The following RASSF8 variants were observed in gnomAD, a reference collection of about 807,000 sequenced individuals.
The protein encoded by RASSF8 is Ras association domain family member 8, also known as ras association domain-containing protein 8.
Under a neutral mutation model 48.5 loss-of-function variants are expected in RASSF8, and 22 were observed. The ratio of observed to expected loss-of-function variants is 0.45; its 90% CI spans 0.32 to 0.65. The LOEUF is 0.65. Among genes scored for constraint, RASSF8 ranks in the 30% least tolerant of loss-of-function variants. RASSF8 has a pLI of 0.03. For synonymous variants in RASSF8, 127 were observed against 171.5 expected, an observed-to-expected ratio of 0.74 and a Z score of 2.03; for missense variants, 418 against 489.2, an observed-to-expected ratio of 0.85 and a Z score of 1.37.
At chr12:26,034,068 G>T (rs1472838619) in intron 2 of RASSF8, among the ~76,000 whole-genome samples, 1 of 152,078 alleles carries the variant, frequency 6.6e-6, no homozygotes, top group Non-Finnish European at 1.5e-5. Flanking sequence ...GGAGAAAGAT[G>T]TTCCAAGCAG....
chr12:25,992,992 T>G (rs545731571), intron 1 of RASSF8, among the ~76,000 whole-genome samples: 2 of 151,906 alleles, frequency 1.3e-5, no homozygotes, highest in Non-Finnish European at 1.5e-5. Flanking sequence ...TGGTGAAGAG[T>G]GAACAATGGA....
Position 26,072,126 on chromosome 12 carries a change from T to A in RASSF8, c.*3308T>A, listed in dbSNP as rs1513130. ...CATTGTGCATTGCCTTTGATAAATT[T>A]GGCCTTAATTTATATAACGATGCTG... On this transcript the variant is annotated 3_prime_UTR_variant, in exon 6 of 6. Coordinates refer to ENST00000689635, the MANE Select transcript of RASSF8 (RefSeq NM_001394098.1). The A allele has an allele frequency of 3.0e-6, 3 of 985,116 alleles. No homozygotes were observed. The highest frequency in any genetic ancestry group is 3.5e-5 in the African/African-American group (2 of 57,342). The allele number at this position is 985,116 out of a possible 1,614,324, so 61.0% of individuals were successfully genotyped here. A position where few individuals can be genotyped will look rare whatever the true frequency, so the allele number is the denominator to read the frequency against.
chr12:26,028,327 T>C (rs950313538), intron 2 of RASSF8, among the ~76,000 whole-genome samples: 2 of 152,240 alleles, frequency 1.3e-5, no homozygotes, highest in Admixed American at 1.3e-4. Context: ...TATCAAAAGA[T>C]ATGATGATGT....
intron 1 of RASSF8, among the ~76,000 whole-genome samples, chr12:25,990,954 A>G (rs1350737923): frequency 6.6e-6 from 1 of 152,228 alleles, no homozygotes; most frequent in Non-Finnish European, 1.5e-5. Context: ...TCTTGGAGTC[A>G]CAGAGTAGAG....
In RASSF8 at chr12:26,055,291, C is replaced by T. The variant is rs1943577434; in HGVS notation, c.-53C>T. 7.0e-7 allele frequency: 1 copy of T among 1,433,010 alleles called. No homozygotes were observed. The highest frequency in any genetic ancestry group is 9.9e-7 in the Non-Finnish European group (1 of 1,014,914). The allele number at this position is 1,433,010 out of a possible 1,614,324, so 88.8% of individuals were successfully genotyped here. A position where few individuals can be genotyped will look rare whatever the true frequency, so the allele number is the denominator to read the frequency against. On this transcript the variant is annotated 5_prime_UTR_variant, in exon 3 of 6. Transcript: ENST00000689635. ...CGTGTTCCTGCAGCTAGAGACATGA[C>T]CTAACACCCTGATGACCACTCTCAG...
intron 1 of RASSF8, among the ~76,000 whole-genome samples, chr12:25,992,829 AC>A (rs747837270): frequency 1.3e-5 from 2 of 152,182 alleles, no homozygotes; most frequent in Non-Finnish European, 2.9e-5. Context: ...GTACTCGCAC[AC>A]CTGCCAGAGC....
intron 1 of RASSF8, among the ~76,000 whole-genome samples, chr12:25,962,202 C>A (rs565839792): frequency 1.3e-5 from 2 of 152,332 alleles, no homozygotes; most frequent in South Asian, 4.1e-4. Flanking sequence ...GCATCTCTTG[C>A]TGTCATCTTG....
chr12:26,063,767 T>C (rs1426270422), intron 3 of RASSF8, among the ~76,000 whole-genome samples: 1 of 151,908 alleles, frequency 6.6e-6, no homozygotes, highest in Non-Finnish European at 1.5e-5. Context: ...GAATCTCTGA[T>C]ACTATCATAT....
Position 26,064,484 on chromosome 12 carries a change from C to A in RASSF8, c.104-14C>A. The A allele has an allele frequency of 1.3e-6, 2 of 1,511,138 alleles. No homozygotes were observed. The highest frequency in any genetic ancestry group is 1.9e-4 in the Middle Eastern group (1 of 5,196). 93.6% of individuals were successfully genotyped at this position (1,511,138 alleles called of 1,614,324 possible). A position where few individuals can be genotyped will look rare whatever the true frequency, so the allele number is the denominator to read the frequency against. Reference sequence around the variant, plus strand: ...ATCCCATTTTGACAAGTTATTCTTACCTTTTTTACATAGGTCGAACTGGAA... The same window carrying A: ...ATCCCATTTTGACAAGTTATTCTTAACTTTTTTACATAGGTCGAACTGGAA... On this transcript the variant is annotated splice_polypyrimidine_tract_variant and intron_variant, in intron 3 of 5. Coordinates refer to ENST00000689635, the MANE Select transcript of RASSF8 (RefSeq NM_001394098.1).
chr12:25,994,696 G>T (rs1592244133), intron 1 of RASSF8, among the ~76,000 whole-genome samples: 1 of 152,184 alleles, frequency 6.6e-6, no homozygotes, highest in South Asian at 2.1e-4. Flanking sequence ...AATCAGTGTG[G>T]TATCACAGGG....
chr12:26,025,684 TCAA>T (rs1942896457), intron 2 of RASSF8, among the ~76,000 whole-genome samples: 1 of 152,126 alleles, frequency 6.6e-6, no homozygotes, highest in South Asian at 2.1e-4. Flanking sequence ...TTAGAACTAT[TCAA>T]CAAGATTGCT....
chr12:26,061,566 CAGACAGAT>C (rs1319445000), intron 3 of RASSF8, among the ~76,000 whole-genome samples: 4 of 149,830 alleles, frequency 2.7e-5, no homozygotes, highest in African/African-American at 9.9e-5. Context: ...GATAGACAGA[CAGACAGAT>C]AGATATTCCT....
downstream of RASSF8, among the ~76,000 whole-genome samples, chr12:26,075,198 A>G (rs150530176): frequency 1.0e-3 from 156 of 152,304 alleles, no homozygotes; most frequent in Middle Eastern, 0.01. Flanking sequence ...AGAATCAAAG[A>G]TACTCCAGGT....
rs1943957955 is a variant in RASSF8 at position 26,069,613 on chromosome 12, A to G, written c.*795A>G. On this transcript the variant is annotated 3_prime_UTR_variant, in exon 6 of 6. Transcript: ENST00000689635. ...AAACAGGCATGGGGTTTCCTGATAC[A>G]TTATGTGTTTTGTTTCTGCCCTGTC... 12 of 985,316 alleles carry G rather than the reference A, an allele frequency of 1.2e-5. No individual in the cohort carries two copies. In the South Asian group the frequency reaches 2.8e-4, roughly 23 times the overall value. The allele number at this position is 985,316 out of a possible 1,614,324, so 61.0% of individuals were successfully genotyped here. A position where few individuals can be genotyped will look rare whatever the true frequency, so the allele number is the denominator to read the frequency against.
intron 4 of RASSF8, 59 bp downstream of exon 4, chr12:26,065,446 T>C (rs2137305672): frequency 6.7e-7 from 1 of 1,493,678 alleles, no homozygotes; most frequent in Non-Finnish European, 8.9e-7. Context: ...CTTCTTGGAA[T>C]CTCCTTTTCA....
intron 2 of RASSF8, among the ~76,000 whole-genome samples, chr12:26,049,189 A>G (rs961202240): frequency 3.9e-5 from 6 of 152,158 alleles, no homozygotes; most frequent in African/African-American, 1.4e-4. Context: ...TTGTGTTTCC[A>G]TGGGGTATTA....
intron 1 of RASSF8, among the ~76,000 whole-genome samples, chr12:25,985,911 T>G (rs889732147): frequency 6.6e-6 from 1 of 152,214 alleles, no homozygotes; most frequent in Non-Finnish European, 1.5e-5. Flanking sequence ...TAACTACCTG[T>G]GCCTCTCGTA....
intron 3 of RASSF8, among the ~76,000 whole-genome samples, chr12:26,061,524 A>G (rs1943741958): frequency 6.6e-6 from 1 of 151,844 alleles, no homozygotes; most frequent in Non-Finnish European, 1.5e-5. Context: ...CAGTCCTACA[A>G]TGCAAAAACA....
chr12:25,971,490 C>G (rs12312956), intron 1 of RASSF8, among the ~76,000 whole-genome samples: 1,613 of 152,164 alleles, frequency 0.011, 28 homozygotes, highest in African/African-American at 0.031. Flanking sequence ...GATGATCTCT[C>G]TTCTGTGTTC....
Sources: gnomAD v4.1 joint callset for allele counts (sites outside exome capture counted in the v4.1 genomes callset) on GRCh38, gnomAD v4.1.1 for gene constraint, MANE v1.5 for transcripts, NCBI Gene and HGNC (gene_info 2026-07-23, HGNC 2026-07-21) for gene names.